Variants in FAM107B observed in about 807,000 individuals in gnomAD.
The protein encoded by FAM107B is family with sequence similarity 107 member B.
A neutral mutation model predicts 31.5 loss-of-function variants in FAM107B; 21 were observed. That is an observed-to-expected ratio of 0.67 (90% CI 0.47 to 0.96). The LOEUF is 0.96. Among genes scored for constraint, FAM107B ranks in the 40% least tolerant of loss-of-function variants. The pLI is 0.00. For synonymous variants in FAM107B, 157 were observed against 141.5 expected, an observed-to-expected ratio of 1.11 and a Z score of -0.78; for missense variants, 452 against 377.1, an observed-to-expected ratio of 1.20 and a Z score of -1.64.
At chr10:14,633,186 C>G (rs990689351) in intron 2 of FAM107B, among the ~76,000 whole-genome samples, 3 of 137,508 alleles carry the variant, frequency 2.2e-5, no homozygotes, top group Admixed American at 2.1e-4. Flanking sequence ...GTGATAGAGA[C>G]TCTGTCTCAA....
chr10:14,659,865 A>G (rs926012655), intron 2 of FAM107B, among the ~76,000 whole-genome samples: 3 of 152,232 alleles, frequency 2.0e-5, no homozygotes, highest in African/African-American at 2.4e-5. Flanking sequence ...TGCTCAGTGG[A>G]ACCCCAGTCT....
intron 2 of FAM107B, among the ~76,000 whole-genome samples, chr10:14,566,628 GTTGT>G (rs1002482692): frequency 1.3e-5 from 2 of 152,236 alleles, no homozygotes; most frequent in African/African-American, 2.4e-5. Flanking sequence ...ACCAACACAG[GTTGT>G]TTATGATACT....
intron 1 of FAM107B, chr10:14,723,206 C>T: frequency 1.9e-6 from 1 of 524,972 alleles, no homozygotes; most frequent in East Asian, 5.1e-5. Context: ...CATTCAGTGG[C>T]CTGAGCAGTG....
At chr10:14,562,413 A>T (rs1850321512) in intron 2 of FAM107B, among the ~76,000 whole-genome samples, 1 of 152,228 alleles carries the variant, frequency 6.6e-6, no homozygotes, top group Admixed American at 6.5e-5. Context: ...GTCAGTGATA[A>T]TGTCTTCAAG....
intron 2 of FAM107B, among the ~76,000 whole-genome samples, chr10:14,552,372 A>G (rs1162726436): frequency 6.6e-6 from 1 of 152,246 alleles, no homozygotes; most frequent in Non-Finnish European, 1.5e-5. Flanking sequence ...GACTTGCTCT[A>G]AAGAACTCAG....
chr10:14,651,243 G>A (rs1030045362), intron 2 of FAM107B, among the ~76,000 whole-genome samples: 3 of 152,160 alleles, frequency 2.0e-5, no homozygotes, highest in African/African-American at 7.2e-5. Flanking sequence ...GACAATATTA[G>A]GATTCTCTGG....
intron 1 of FAM107B, among the ~76,000 whole-genome samples, chr10:14,676,523 G>A (rs971658233): frequency 2.6e-5 from 4 of 151,990 alleles, no homozygotes; most frequent in East Asian, 3.9e-4. Flanking sequence ...TTTGTTTCAC[G>A]CCCAACATAG....
chr10:14,714,725 A>T (rs537300054), intron 1 of FAM107B, among the ~76,000 whole-genome samples: 234 of 152,326 alleles, frequency 1.5e-3, no homozygotes, highest in Non-Finnish European at 2.8e-3. Flanking sequence ...CTGCCCTAAA[A>T]GGGATGACTT....
chr10:14,718,348 A>G (rs1855828076), intron 1 of FAM107B, among the ~76,000 whole-genome samples: 1 of 150,016 alleles, frequency 6.7e-6, no homozygotes, highest in Admixed American at 6.7e-5. Flanking sequence ...AAAGGAAGGA[A>G]GGAAGGAAGG....
chr10:14,720,478 T>C (rs535316948), intron 1 of FAM107B, among the ~76,000 whole-genome samples: 5 of 152,316 alleles, frequency 3.3e-5, no homozygotes, highest in African/African-American at 1.2e-4. Flanking sequence ...GGTCTCGAAC[T>C]CCTGACCTCA....
At chr10:14,580,642 T>C (rs1851606117) in intron 2 of FAM107B, among the ~76,000 whole-genome samples, 1 of 152,218 alleles carries the variant, frequency 6.6e-6, no homozygotes, top group Non-Finnish European at 1.5e-5. Flanking sequence ...ACAAAAGCCT[T>C]TATTCATTCA....
chr10:14,765,752 T>C (rs6602760), intron 1 of FAM107B, among the ~76,000 whole-genome samples: 11,767 of 152,268 alleles, frequency 0.077, 1,205 homozygotes, highest in African/African-American at 0.23. Context: ...AGACCTTCAC[T>C]AATAGGGCAT....
At chr10:14,599,235 C>A (rs935590768) in intron 2 of FAM107B, among the ~76,000 whole-genome samples, 3 of 151,952 alleles carry the variant, frequency 2.0e-5, no homozygotes, top group African/African-American at 4.8e-5. Context: ...AGTGTCCCCC[C>A]CCACTTCAAG....
chr10:14,632,125 C>T (rs1198954094), intron 2 of FAM107B, among the ~76,000 whole-genome samples: 2 of 151,046 alleles, frequency 1.3e-5, no homozygotes, highest in East Asian at 3.9e-4. Flanking sequence ...TGGTGAAACC[C>T]CATCTCTACT....
At chr10:14,735,517 C>T (rs566245304) in intron 1 of FAM107B, among the ~76,000 whole-genome samples, 1 of 152,212 alleles carries the variant, frequency 6.6e-6, no homozygotes, top group African/African-American at 2.4e-5. Context: ...GACGGCACTT[C>T]GGTTTCAGGT....
chr10:14,744,572 T>G (rs1221120276), intron 1 of FAM107B, among the ~76,000 whole-genome samples: 1 of 152,222 alleles, frequency 6.6e-6, no homozygotes, highest in Non-Finnish European at 1.5e-5. Flanking sequence ...TTGACTTTTT[T>G]TGAAGGCCTT....
At chr10:14,621,030 T>G (rs1852997810) in intron 2 of FAM107B, among the ~76,000 whole-genome samples, 1 of 152,260 alleles carries the variant, frequency 6.6e-6, no homozygotes, top group Non-Finnish European at 1.5e-5. Flanking sequence ...TCCCACAGAT[T>G]GACCTTGTAT....
intron 1 of FAM107B, among the ~76,000 whole-genome samples, chr10:14,738,340 C>T (rs1856358362): frequency 6.6e-6 from 1 of 152,192 alleles, no homozygotes; most frequent in Non-Finnish European, 1.5e-5. Flanking sequence ...AAACGAGGCA[C>T]TATCTAGGTC....
intron 1 of FAM107B, among the ~76,000 whole-genome samples, chr10:14,750,276 C>G (rs139337397): frequency 1.1e-4 from 16 of 152,162 alleles, no homozygotes; most frequent in Non-Finnish European, 1.9e-4. Flanking sequence ...CACATCGTAA[C>G]GGAAAGACAT....
Sources: gnomAD v4.1 joint callset for allele counts (sites outside exome capture counted in the v4.1 genomes callset) on GRCh38, gnomAD v4.1.1 for gene constraint, MANE v1.5 for transcripts, NCBI Gene and HGNC (gene_info 2026-07-23, HGNC 2026-07-21) for gene names.